Variants in SCHIP1 observed in about 807,000 individuals in gnomAD.
SCHIP1 encodes schwannomin-interacting protein 1.
In SCHIP1, 8 loss-of-function variants were observed where a neutral mutation model predicts 29.7. That is an observed-to-expected ratio of 0.27 (90% confidence interval 0.16 to 0.49). The LOEUF is 0.49. SCHIP1 is among the 20% of genes least tolerant of loss of function. The probability of loss-of-function intolerance (pLI) is 0.99; values close to 1 mark genes in which losing one functional copy is unlikely to be tolerated. For synonymous variants in SCHIP1, 76 were observed against 94.9 expected (o/e 0.80, Z 1.16); for missense variants, 193 against 294.6 (o/e 0.66, Z 2.52).
chr3:159,668,466 T>G, the SCHIP1 span, among the ~76,000 whole-genome samples: 3 of 149,660 alleles, frequency 2.0e-5, no homozygotes, highest in Non-Finnish European at 3.0e-5. Flanking sequence ...AACCTGGAGG[T>G]GTATACCTAC....
the SCHIP1 span, among the ~76,000 whole-genome samples, chr3:159,450,245 C>T: frequency 6.6e-6 from 1 of 152,134 alleles, no homozygotes; most frequent in Non-Finnish European, 1.5e-5. Flanking sequence ...GGATTCATTC[C>T]ATAAATTTAC....
Position 159,861,058 on chromosome 3 carries a change from A to G in SCHIP1, c.31-5105A>G, listed in dbSNP as rs188738036. Among the ~76,000 whole-genome samples, 1 of 152,336 alleles carries G rather than the reference A, an allele frequency of 6.6e-6. No individual in the cohort carries two copies. The highest frequency in any genetic ancestry group is 1.9e-4 in the East Asian group (1 of 5,194). On this transcript the variant is annotated intron_variant, in intron 1 of 6. Coordinates refer to ENST00000445224, the Ensembl canonical transcript of SCHIP1. The surrounding 1 kb of genome is among the most constrained non-coding windows in gnomAD (Gnocchi z 4.1). ...TTCCTGAGAACCCTAGAGGCCCCCC[A>G]GATTTTCCCACAAAAAATATAGTTT...
chr3:159,687,236 ATCTG>A, the SCHIP1 span, among the ~76,000 whole-genome samples: 3 of 151,906 alleles, frequency 2.0e-5, no homozygotes, highest in Non-Finnish European at 4.4e-5. Context: ...CCACAAACTT[ATCTG>A]TCTGTTTTTT....
At chr3:159,618,537 G>T in the SCHIP1 span, among the ~76,000 whole-genome samples, 1 of 152,208 alleles carries the variant, frequency 6.6e-6, no homozygotes, top group Non-Finnish European at 1.5e-5. Context: ...AAGAAAATTT[G>T]TGCAAAGTGT....
the SCHIP1 span, among the ~76,000 whole-genome samples, chr3:159,732,691 G>T: frequency 1.3e-5 from 2 of 152,206 alleles, no homozygotes; most frequent in African/African-American, 2.4e-5. Flanking sequence ...AACAAATTCA[G>T]CTGGGGAAGA....
the SCHIP1 span, among the ~76,000 whole-genome samples, chr3:159,525,617 G>T: frequency 4.6e-5 from 7 of 152,192 alleles, no homozygotes; most frequent in African/African-American, 1.7e-4. Flanking sequence ...ATGTGCTAAG[G>T]GTGCCCAGAC....
At chr3:159,763,738 A>C in the SCHIP1 span, 1 of 152,238 alleles carries the variant, frequency 6.6e-6, no homozygotes, top group South Asian at 2.1e-4. Context: ...CGCCCCGGCC[A>C]GGCACACCTT....
the SCHIP1 span, among the ~76,000 whole-genome samples, chr3:159,643,621 G>C: frequency 6.6e-6 from 1 of 152,036 alleles, no homozygotes; most frequent in Non-Finnish European, 1.5e-5. Context: ...TACAACAGAA[G>C]GTTGTATTCA....
intron 1 of SCHIP1, among the ~76,000 whole-genome samples, chr3:159,843,748 G>A (rs1025771738): frequency 1.1e-4 from 17 of 150,628 alleles, no homozygotes; most frequent in South Asian, 2.1e-4. Flanking sequence ...GTGTGAACCC[G>A]GGAGGCAGAG....
chr3:159,893,781 A>T lies in SCHIP1; in HGVS notation c.683+1591A>T, dbSNP rs564156279. The T allele has an allele frequency of 3.9e-5, 6 of 152,120 alleles. 1 individual carries two copies. Among genetic ancestry groups the T allele is most frequent in the Admixed American group, 3.9e-4 (6 of 15,262 alleles). The allele number at this position is 152,120 out of a possible 1,614,324, so 9.4% of individuals were successfully genotyped here. On this transcript the variant is annotated intron_variant, in intron 6 of 6. Transcript: ENST00000445224. Reference sequence around the variant, plus strand: ...TTAAAGGTGTTGGAGGCATTCTTTGAATTGGAGCAGTCCTACCATGGGCCC... The same window carrying T: ...TTAAAGGTGTTGGAGGCATTCTTTGTATTGGAGCAGTCCTACCATGGGCCC...
chr3:159,355,132 T>C, the SCHIP1 span, among the ~76,000 whole-genome samples: 3 of 152,138 alleles, frequency 2.0e-5, no homozygotes, highest in African/African-American at 7.2e-5. Flanking sequence ...TGTCATACCT[T>C]GCAGACATTA....
the SCHIP1 span, among the ~76,000 whole-genome samples, chr3:159,301,642 G>T: frequency 6.6e-6 from 1 of 152,100 alleles, no homozygotes; most frequent in Admixed American, 6.6e-5. Flanking sequence ...TAGTGAGTGG[G>T]TTCTCATGAG....
At chr3:159,573,159 G>A in the SCHIP1 span, among the ~76,000 whole-genome samples, 18 of 152,258 alleles carry the variant, frequency 1.2e-4, 1 homozygote, top group South Asian at 3.7e-3. Context: ...TCATTATGAT[G>A]TTAGCTGATT....
the SCHIP1 span, among the ~76,000 whole-genome samples, chr3:159,501,642 G>A: frequency 1.3e-5 from 2 of 152,138 alleles, no homozygotes. Flanking sequence ...TTATAGCAGA[G>A]TAATACTTTT....
chr3:159,456,440 G>T, the SCHIP1 span, among the ~76,000 whole-genome samples: 1 of 152,076 alleles, frequency 6.6e-6, no homozygotes, highest in Non-Finnish European at 1.5e-5. Flanking sequence ...CCAACTAAAT[G>T]CCTTATGTAT....
At chr3:159,560,570 G>GCTAA in the SCHIP1 span, among the ~76,000 whole-genome samples, 1 of 151,964 alleles carries the variant, frequency 6.6e-6, no homozygotes, top group Non-Finnish European at 1.5e-5. Flanking sequence ...GATTCTCTTT[G>GCTAA]CTAAGTCCCC....
chr3:159,462,943 TG>T, the SCHIP1 span, among the ~76,000 whole-genome samples: 1 of 152,100 alleles, frequency 6.6e-6, no homozygotes, highest in Admixed American at 6.6e-5. Context: ...TAGGTAAGTA[TG>T]GTACATGCAG....
the SCHIP1 span, among the ~76,000 whole-genome samples, chr3:159,588,281 A>T: frequency 6.6e-6 from 1 of 152,060 alleles, no homozygotes; most frequent in Admixed American, 6.6e-5. Flanking sequence ...TGAGAAGTGT[A>T]TGTTCATATC....
chr3:159,389,814 T>G, the SCHIP1 span, among the ~76,000 whole-genome samples: 4 of 152,134 alleles, frequency 2.6e-5, no homozygotes, highest in East Asian at 7.7e-4. Context: ...TTCCATAAGG[T>G]GGGTGCAACT....
Sources: gnomAD v4.1 joint callset for allele counts (sites outside exome capture counted in the v4.1 genomes callset) on GRCh38, gnomAD v4.1.1 for gene constraint, Gnocchi (gnomAD v3.1) non-coding constraint, MANE v1.5 for transcripts, NCBI Gene and HGNC (gene_info 2026-07-23, HGNC 2026-07-21) for gene names.